The following ROBO2 variants were observed in gnomAD, a reference collection of about 807,000 sequenced individuals.
The protein encoded by ROBO2 is roundabout homolog 2.
ROBO2 carries 53 observed loss-of-function variants against 160.8 expected under a neutral mutation model. The observed-to-expected ratio is 0.33, with a 90% CI of 0.26 to 0.41. The LOEUF (loss-of-function observed/expected upper bound fraction) is 0.41. Among genes scored for constraint, ROBO2 ranks in the 10% least tolerant of loss-of-function variants. The pLI is 1.00. For synonymous variants in ROBO2, 664 were observed against 611.7 expected, an observed-to-expected ratio of 1.09 and a Z score of -1.26; for missense variants, 1,577 against 1,722.4, an observed-to-expected ratio of 0.92 and a Z score of 1.49.
intron 2 of ROBO2, among the ~76,000 whole-genome samples, chr3:77,405,143 A>G (rs2076157159): frequency 2.0e-5 from 3 of 152,200 alleles, no homozygotes; most frequent in Admixed American, 2.0e-4. Context: ...TTTCATGTAT[A>G]GTATTGCTAG....
chr3:76,518,535 G>T (rs1354128041), intron 2 of ROBO2, among the ~76,000 whole-genome samples: 1 of 152,078 alleles, frequency 6.6e-6, no homozygotes, highest in African/African-American at 2.4e-5. Context: ...TATTGGCCAG[G>T]AATGAATCAT....
At chr3:76,472,768 G>T (rs2078733442) in intron 2 of ROBO2, among the ~76,000 whole-genome samples, 1 of 152,142 alleles carries the variant, frequency 6.6e-6, no homozygotes, top group Admixed American at 6.6e-5. Context: ...ATCAGATTAA[G>T]GTCACAAGTC....
chr3:77,351,651 C>T (rs1442243135), intron 2 of ROBO2, among the ~76,000 whole-genome samples: 1 of 152,114 alleles, frequency 6.6e-6, no homozygotes, highest in Non-Finnish European at 1.5e-5. Context: ...CCTTAGACAT[C>T]AAGAAGGTCT....
At chr3:76,636,136 T>G (rs1330003579) in intron 2 of ROBO2, among the ~76,000 whole-genome samples, 1 of 152,336 alleles carries the variant, frequency 6.6e-6, no homozygotes, top group South Asian at 2.1e-4. Context: ...TGTATTTATT[T>G]CCATCACTTA....
At chr3:76,473,063 C>T (rs1389190701) in intron 2 of ROBO2, among the ~76,000 whole-genome samples, 2 of 152,100 alleles carry the variant, frequency 1.3e-5, no homozygotes, top group African/African-American at 4.8e-5. Flanking sequence ...TGAACAAAGC[C>T]GAGGAACTGT....
At chr3:75,989,310 G>A (rs915453228) in intron 2 of ROBO2, among the ~76,000 whole-genome samples, 5 of 152,016 alleles carry the variant, frequency 3.3e-5, no homozygotes, top group Non-Finnish European at 7.4e-5. Flanking sequence ...TAGAGACGAA[G>A]TTTCACCGTG....
chr3:76,765,252 T>A (rs1208931373), intron 2 of ROBO2, among the ~76,000 whole-genome samples: 1 of 151,748 alleles, frequency 6.6e-6, no homozygotes, highest in Non-Finnish European at 1.5e-5. Flanking sequence ...TCTTTTTTAT[T>A]TTCAAGTCAA....
intron 2 of ROBO2, among the ~76,000 whole-genome samples, chr3:76,125,958 C>A (rs527244606): frequency 2.0e-5 from 3 of 152,208 alleles, no homozygotes; most frequent in Admixed American, 2.0e-4. Context: ...TCCCAAATAG[C>A]TGGGATGACA....
rs926152614 is a variant in ROBO2, at chr3:76,140,291, T to C, written c.109+202689T>C. The stretch of plus-strand genomic sequence containing the variant: ...ATCATTCATTCAAGTAAAGGAGCCT[T>C]ATAAATAATATTGTCTAAAATCAAC... On this transcript the variant is annotated intron_variant, in intron 2 of 26. Coordinates refer to the ROBO2 transcript ENST00000487694. 2.0e-5 allele frequency among the ~76,000 whole-genome samples: 3 copies of C among 152,092 alleles called. 1 individual carries two copies. The South Asian group carries it at 6.2e-4, about 31-fold the overall frequency.
intron 2 of ROBO2, among the ~76,000 whole-genome samples, chr3:76,079,260 C>A (rs28833184): frequency 0.16 from 23,969 of 152,002 alleles, 1,977 homozygotes; most frequent in African/African-American, 0.19. Flanking sequence ...AGGTAACAAT[C>A]ATTTATTGCG....
At chr3:76,355,343 A>G (rs776466807) in intron 2 of ROBO2, among the ~76,000 whole-genome samples, 37 of 151,764 alleles carry the variant, frequency 2.4e-4, no homozygotes, top group Non-Finnish European at 4.1e-4. Context: ...CAATAATTCT[A>G]TTATTATTAT....
At chr3:77,582,824 T>C (rs764541233) in intron 16 of ROBO2, among the ~76,000 whole-genome samples, 2 of 152,082 alleles carry the variant, frequency 1.3e-5, no homozygotes, top group Admixed American at 6.6e-5. Context: ...AGTTCTCATA[T>C]TTATCTGATA....
At chr3:76,469,059 T>C (rs1023257461) in intron 2 of ROBO2, among the ~76,000 whole-genome samples, 1 of 152,132 alleles carries the variant, frequency 6.6e-6, no homozygotes, top group Admixed American at 6.6e-5. Context: ...AGCAGTCATT[T>C]TTTTTACTTC....
intron 2 of ROBO2, among the ~76,000 whole-genome samples, chr3:77,200,263 TA>T (rs1346366757): frequency 0.034 from 2,537 of 74,782 alleles, 170 homozygotes; most frequent in African/African-American, 0.097. Context: ...CTAACTAACA[TA>T]TTTTATATAT....
At chr3:75,992,495 T>C (rs145962274) in intron 2 of ROBO2, among the ~76,000 whole-genome samples, 1 of 152,276 alleles carries the variant, frequency 6.6e-6, no homozygotes, top group East Asian at 1.9e-4. Context: ...TTTCAGAGGA[T>C]GTATGAAACC....
intron 2 of ROBO2, among the ~76,000 whole-genome samples, chr3:76,743,811 A>C (rs1458938459): frequency 1.3e-5 from 2 of 152,024 alleles, no homozygotes; most frequent in Non-Finnish European, 2.9e-5. Flanking sequence ...TAATTAATTA[A>C]AATGAGGGAG....
At chr3:76,351,419 C>T (rs2074866812) in intron 2 of ROBO2, among the ~76,000 whole-genome samples, 1 of 151,898 alleles carries the variant, frequency 6.6e-6, no homozygotes, top group Non-Finnish European at 1.5e-5. Context: ...CCTAACAGAA[C>T]ATCAGAATCA....
chr3:76,499,737 GTA>G (rs1210788401), intron 2 of ROBO2, among the ~76,000 whole-genome samples: 1 of 152,142 alleles, frequency 6.6e-6, no homozygotes, highest in Non-Finnish European at 1.5e-5. Context: ...ATTTCAAAGA[GTA>G]TACATTAAAA....
chr3:76,336,868 A>G (rs960608117), intron 2 of ROBO2, among the ~76,000 whole-genome samples: 27 of 152,166 alleles, frequency 1.8e-4, no homozygotes, highest in African/African-American at 6.3e-4. Context: ...TTTATGAACT[A>G]CTTTAAGTAT....
Sources: gnomAD v4.1 joint callset for allele counts (sites outside exome capture counted in the v4.1 genomes callset) on GRCh38, gnomAD v4.1.1 for gene constraint, MANE v1.5 for transcripts, NCBI Gene and HGNC (gene_info 2026-07-23, HGNC 2026-07-21) for gene names.